Variants in CSMD1 observed in about 807,000 individuals in gnomAD.
CSMD1 encodes CUB and sushi domain-containing protein 1.
In CSMD1, 213 loss-of-function variants were observed where a neutral mutation model predicts 417.5. That is an observed-to-expected ratio of 0.51 (90% CI 0.46 to 0.57). CSMD1 has a LOEUF of 0.57. CSMD1 is among the 20% of genes least tolerant of loss of function. The pLI is 0.00. For missense variants in CSMD1, 6,923 were observed against 4,529.7 expected (o/e 1.53, Z -15.17); for synonymous variants, 2,862 against 1,736.8 (o/e 1.65, Z -16.11).
chr8:4,177,860 C>A (rs1218804086), intron 3 of CSMD1, among the ~76,000 whole-genome samples: 1 of 151,782 alleles, frequency 6.6e-6, no homozygotes, highest in Non-Finnish European at 1.5e-5. Context: ...GACACATACA[C>A]TCTCCCAAGA....
chr8:4,811,685 G>C (rs1238525862), intron 1 of CSMD1, among the ~76,000 whole-genome samples: 1 of 151,900 alleles, frequency 6.6e-6, no homozygotes, highest in Admixed American at 6.6e-5. Context: ...TTGGCTCATT[G>C]AGTCACAGAA....
At chr8:3,745,410 C>G (rs901557919) in intron 6 of CSMD1, among the ~76,000 whole-genome samples, 1 of 152,152 alleles carries the variant, frequency 6.6e-6, no homozygotes, top group Non-Finnish European at 1.5e-5. Flanking sequence ...TTCAAAATTG[C>G]TCTGACAAAG....
intron 10 of CSMD1, among the ~76,000 whole-genome samples, chr8:3,536,628 G>C (rs1274897606): frequency 6.6e-6 from 1 of 152,198 alleles, no homozygotes; most frequent in Non-Finnish European, 1.5e-5. Flanking sequence ...TAATTCAGAA[G>C]TGTGAGCTGT....
chr8:3,711,107 T>TC (rs1801482905), intron 6 of CSMD1, among the ~76,000 whole-genome samples: 2 of 152,158 alleles, frequency 1.3e-5, no homozygotes, highest in Non-Finnish European at 1.5e-5. Context: ...AGCAATATTT[T>TC]CCCCAAAAGA....
At chr8:3,591,293 A>G (rs1800833894) in intron 8 of CSMD1, among the ~76,000 whole-genome samples, 1 of 152,218 alleles carries the variant, frequency 6.6e-6, no homozygotes, top group Admixed American at 6.5e-5. Context: ...AATGCTTAAC[A>G]CTTCTGAAAT....
At position 4,615,387 on chromosome 8, in the gene CSMD1, G is replaced by A. The variant is rs540256643; in HGVS notation, c.302+21955C>T. Among the ~76,000 whole-genome samples, 6 of 152,276 alleles carry A rather than the reference G, an allele frequency of 3.9e-5. No individual in the cohort carries two copies. The Middle Eastern group carries it at 0.017, about 432-fold the overall frequency. ...GTTTCTTCTTATCTTAACATATGGA[G>A]AAATTGTGAAAGAATAGCTCACTGA... On this transcript the variant is annotated intron_variant, in intron 2 of 69. Transcript: ENST00000635120.
chr8:4,782,150 G>A (rs1797182461), intron 1 of CSMD1, among the ~76,000 whole-genome samples: 1 of 152,110 alleles, frequency 6.6e-6, no homozygotes, highest in South Asian at 2.1e-4. Flanking sequence ...TGCTCAATGG[G>A]TACAAAGTTA....
intron 5 of CSMD1, among the ~76,000 whole-genome samples, chr8:3,789,545 A>G (rs1799618927): frequency 6.6e-6 from 1 of 151,332 alleles, no homozygotes; most frequent in Non-Finnish European, 1.5e-5. Context: ...TTAATACTCC[A>G]AATTAAAGTA....
intron 7 of CSMD1, among the ~76,000 whole-genome samples, chr8:3,649,869 T>G (rs973787590): frequency 6.6e-6 from 1 of 152,242 alleles, no homozygotes; most frequent in Non-Finnish European, 1.5e-5. Flanking sequence ...GTTTAACCTA[T>G]GTACACATTT....
intron 37 of CSMD1, among the ~76,000 whole-genome samples, chr8:3,170,938 T>C (rs1384486401): frequency 6.6e-6 from 1 of 152,192 alleles, no homozygotes; most frequent in Non-Finnish European, 1.5e-5. Context: ...AGAAATGCCA[T>C]AATAAAGCGG....
intron 5 of CSMD1, among the ~76,000 whole-genome samples, chr8:3,784,444 AG>A (rs2129064462): frequency 6.6e-6 from 1 of 152,324 alleles, no homozygotes; most frequent in Admixed American, 6.5e-5. Context: ...AGTTTCTTAA[AG>A]AGATATATAA....
At chr8:3,345,245 C>G (rs991535025) in intron 22 of CSMD1, among the ~76,000 whole-genome samples, 3 of 152,226 alleles carry the variant, frequency 2.0e-5, no homozygotes, top group African/African-American at 7.2e-5. Context: ...ACCGTGGATC[C>G]CTGAGAGATT....
chr8:4,859,985 C>T (rs554603185), intron 1 of CSMD1, among the ~76,000 whole-genome samples: 44 of 152,028 alleles, frequency 2.9e-4, no homozygotes, highest in African/African-American at 5.1e-4. Flanking sequence ...GCGTTATTCA[C>T]GATAGCAAAG....
intron 5 of CSMD1, among the ~76,000 whole-genome samples, chr8:3,934,998 A>G (rs925937303): frequency 6.6e-6 from 1 of 152,194 alleles, no homozygotes; most frequent in Non-Finnish European, 1.5e-5. Flanking sequence ...TGTAATACAC[A>G]TAATCAAGTG....
At chr8:3,663,850 G>C (rs1169140366) in intron 7 of CSMD1, among the ~76,000 whole-genome samples, 1 of 152,090 alleles carries the variant, frequency 6.6e-6, no homozygotes, top group Non-Finnish European at 1.5e-5. Flanking sequence ...CGTGTTATCA[G>C]GATCTTCTGA....
At chr8:3,782,359 G>T (rs917234474) in intron 5 of CSMD1, among the ~76,000 whole-genome samples, 1 of 152,052 alleles carries the variant, frequency 6.6e-6, no homozygotes, top group Non-Finnish European at 1.5e-5. Flanking sequence ...AGGGAACTCC[G>T]GCAAGTCAAT....
At chr8:4,576,633 T>C (rs1045675902) in intron 2 of CSMD1, among the ~76,000 whole-genome samples, 1 of 152,154 alleles carries the variant, frequency 6.6e-6, no homozygotes, top group Non-Finnish European at 1.5e-5. Flanking sequence ...TAGCATTTAT[T>C]AAATAAATAT....
At chr8:3,850,749 C>T (rs971112783) in intron 5 of CSMD1, among the ~76,000 whole-genome samples, 18 of 151,928 alleles carry the variant, frequency 1.2e-4, no homozygotes, top group South Asian at 2.1e-4. Context: ...AATTGAAATT[C>T]GCATTTATAC....
At chr8:4,443,174 T>C (rs1798582240) in intron 2 of CSMD1, among the ~76,000 whole-genome samples, 1 of 152,210 alleles carries the variant, frequency 6.6e-6, no homozygotes, top group Admixed American at 6.5e-5. Context: ...GTAGAATTCT[T>C]ACAGTGATAT....
Sources: gnomAD v4.1 joint callset for allele counts (sites outside exome capture counted in the v4.1 genomes callset) on GRCh38, gnomAD v4.1.1 for gene constraint, MANE v1.5 for transcripts, NCBI Gene and HGNC (gene_info 2026-07-23, HGNC 2026-07-21) for gene names.